Variants in PARP2 observed in about 807,000 individuals in gnomAD.
PARP2 encodes poly [ADP-ribose] polymerase 2.
Under a neutral mutation model 77.8 loss-of-function variants are expected in PARP2, and 57 were observed. That is an observed-to-expected ratio of 0.73 (90% confidence interval 0.59 to 0.91). The LOEUF (loss-of-function observed/expected upper bound fraction) is 0.91, where lower values mean the gene tolerates loss of function less well. Ranked by LOEUF, PARP2 falls within the 40% of genes least tolerant of loss-of-function variation. PARP2 has a pLI of 0.00. For missense variants in PARP2, 651 were observed against 689.0 expected (o/e 0.94, Z 0.62); for synonymous variants, 226 against 242.6 (o/e 0.93, Z 0.64).
chr14:20,345,647 G>A (rs770254454), intron 3 of PARP2, among the ~76,000 whole-genome samples, 183 bp downstream of exon 3: 8 of 152,070 alleles, frequency 5.3e-5, no homozygotes, highest in Non-Finnish European at 1.0e-4. Context: ...TAATAATCAG[G>A]GTGTTTTTTA....
rs1481277198 is a variant in PARP2 at position 20,356,584 on chromosome 14, CCTTA to C, written c.1230-5_1230-2del. On this transcript the variant is annotated splice_acceptor_variant and splice_polypyrimidine_tract_variant and intron_variant, in intron 12 of 15. Transcript: ENST00000429687. LOFTEE classifies it high-confidence loss of function. ...ACAGAGTACAATAATATTGGCTTTT[CCTTA>C]GGATGCTTCTATGGCATGGTTCCAG... 2 of 1,613,282 alleles carry C rather than the reference CCTTA, an allele frequency of 1.2e-6. No homozygotes were observed. Among genetic ancestry groups the C allele is most frequent in the Admixed American group, 1.7e-5 (1 of 59,996 alleles).
intron 4 of PARP2, among the ~76,000 whole-genome samples, chr14:20,349,847 A>G (rs1382470991): frequency 6.6e-6 from 1 of 152,160 alleles, no homozygotes; most frequent in East Asian, 1.9e-4. Context: ...GGGCTCGGCC[A>G]TACAACACCA....
intron 14 of PARP2, 58 bp downstream of exon 14, chr14:20,357,207 A>G (rs1008420259): frequency 2.8e-6 from 4 of 1,430,798 alleles, no homozygotes; most frequent in Non-Finnish European, 3.9e-6. Flanking sequence ...TTTTCCGATG[A>G]GAAAAGTTTG....
At chr14:20,356,728 G>C (rs1026507542) in intron 13 of PARP2, 39 bp downstream of exon 13, 8 of 1,431,426 alleles carry the variant, frequency 5.6e-6, no homozygotes, top group Non-Finnish European at 7.9e-6. Context: ...ACAGGGGAAA[G>C]GGATACAGTA....
rs767761676 is a variant in PARP2, at chr14:20,357,619, CT to C, written c.1554-12del. The C allele has an allele frequency of 6.2e-7, 1 of 1,609,278 alleles. No individual in the cohort carries two copies. ...TGAACCAGAGACTGATGTTGACACA[CT>C]TTTTTTCCATTTGGCAGGAATGGGA... On this transcript the variant is annotated intron_variant, in intron 15 of 15. Transcript: ENST00000429687.
intron 7 of PARP2, 144 bp from the exon 8 acceptor site, chr14:20,353,940 CT>C (rs1414925472): frequency 3.9e-5 from 25 of 641,350 alleles, no homozygotes; most frequent in South Asian, 4.5e-5. Context: ...CCTGTACAGC[CT>C]TTTTTTCCTT....
rs989373186 is a variant in PARP2 at position 20,354,105 on chromosome 14, A to G, written c.621A>G (p.Lys207=). Residue 207 remains lysine, a synonymous_variant, in exon 8 of 16, where the codon AAA becomes AAG. Coordinates refer to ENST00000429687, the MANE Select transcript of PARP2 (RefSeq NM_001042618.2). ...TNTQDEEETK[K]EESLKSPLKP... ...TATAGGATGAAGAGGAAACAAAGAA[A>G]GAGGAATCTCTTAAATCTCCCTTGA... 1.2e-6 allele frequency: 2 copies of G among 1,613,226 alleles called. No homozygotes were observed. Among genetic ancestry groups the G allele is most frequent in the Non-Finnish European group, 1.7e-6 (2 of 1,179,304 alleles).
intron 13 of PARP2, 63 bp from the exon 14 acceptor site, chr14:20,356,988 A>G: frequency 2.0e-6 from 2 of 1,000,244 alleles, no homozygotes; most frequent in Non-Finnish European, 3.2e-6. Flanking sequence ...GGTCAGTGGT[A>G]TGCACCTTCT....
intron 4 of PARP2, among the ~76,000 whole-genome samples, chr14:20,348,347 T>C (rs1290670650): frequency 2.0e-5 from 3 of 151,982 alleles, no homozygotes; most frequent in Admixed American, 1.3e-4. Flanking sequence ...AAGTTTTAAA[T>C]TTTTTCTGTA....
intron 4 of PARP2, among the ~76,000 whole-genome samples, chr14:20,347,871 A>AC (rs1327835307): frequency 5.8e-4 from 80 of 138,698 alleles, no homozygotes; most frequent in Admixed American, 5.0e-4. Flanking sequence ...CCTTTTGCAC[A>AC]TTTTTTTTTT....
At chr14:20,354,336 G>T (rs1713411) in intron 8 of PARP2, 89 bp downstream of exon 8, 101,108 of 1,100,316 alleles carry the variant, frequency 0.092, 14,871 homozygotes, top group African/African-American at 0.61. Context: ...TTTAAAGCTT[G>T]CTCATAGTAC....
At position 20,357,119 on chromosome 14, in the gene PARP2, A is replaced by G; in HGVS notation, c.1398A>G (p.Leu466=). Residue 466 remains leucine (L), a synonymous_variant, in exon 14 of 16, where the codon CTA becomes CTG. Transcript: ENST00000429687. ...CCAATTACTGCTTTGCCTCTCGCCT[A>G]AAGAATACAGGACTGCTGCTCTTAT... is the stretch of plus-strand genomic sequence containing the variant. The part of the protein sequence containing the change: ...KSANYCFASR[L]KNTGLLLLSE... 3 of 1,611,524 alleles carry G rather than the reference A, an allele frequency of 1.9e-6. No individual in the cohort carries two copies. The highest frequency in any genetic ancestry group is 2.5e-6 in the Non-Finnish European group (3 of 1,177,716).
At chr14:20,346,735 C>A in intron 3 of PARP2, 128 bp from the exon 4 acceptor site, 1 of 670,544 alleles carries the variant, frequency 1.5e-6, no homozygotes. Flanking sequence ...GCAATTCTTT[C>A]CTTGGGAGAT....
At chr14:20,357,336 G>C in intron 14 of PARP2, 60 bp from the exon 15 acceptor site, 1 of 1,558,598 alleles carries the variant, frequency 6.4e-7, no homozygotes, top group Non-Finnish European at 8.7e-7. Context: ...TTTCTGTTTG[G>C]CTTTGGAGCC....
chr14:20,357,183 A>G, intron 14 of PARP2, 34 bp downstream of exon 14: 1 of 1,489,288 alleles, frequency 6.7e-7, no homozygotes, highest in Non-Finnish European at 9.4e-7. Context: ...TCTCTAGTTT[A>G]TTAATTCCAG....
At chr14:20,351,714 GGATA>G (rs1305230255) in intron 6 of PARP2, among the ~76,000 whole-genome samples, 9 of 148,030 alleles carry the variant, frequency 6.1e-5, no homozygotes, top group African/African-American at 2.3e-4. Context: ...GACTATCCTG[GGATA>G]GATAATATTC....
chr14:20,349,474 G>A (rs1883882563), intron 4 of PARP2, among the ~76,000 whole-genome samples: 1 of 151,950 alleles, frequency 6.6e-6, no homozygotes, highest in Non-Finnish European at 1.5e-5. Flanking sequence ...TTCAAGACCA[G>A]CCTTGCCAAC....
At chr14:20,354,613 C>T (rs1760915) in intron 8 of PARP2, 196 bp from the exon 9 acceptor site, 66,781 of 570,646 alleles carry the variant, frequency 0.12, 11,246 homozygotes, top group African/African-American at 0.59. Context: ...GGAGGATCAC[C>T]GGAGCCCAGG....
intron 8 of PARP2, chr14:20,354,524 C>T: frequency 3.8e-6 from 2 of 526,660 alleles, no homozygotes; most frequent in Non-Finnish European, 3.3e-6. Context: ...TGGTGAGACC[C>T]CATCTCTACT....
Sources: gnomAD v4.1 joint callset for allele counts (sites outside exome capture counted in the v4.1 genomes callset) on GRCh38, gnomAD v4.1.1 for gene constraint, MANE v1.5 for transcripts, NCBI Gene and HGNC (gene_info 2026-07-23, HGNC 2026-07-21) for gene names.